MAP3K5: variants seen among roughly 807,000 people sequenced by gnomAD.
The protein encoded by MAP3K5 is ASK-1.
MAP3K5 carries 56 observed loss-of-function variants against 158.7 expected under a neutral mutation model. The observed-to-expected ratio is 0.35, with a 90% confidence interval of 0.28 to 0.44. MAP3K5 has a LOEUF of 0.44. Ranked by LOEUF, MAP3K5 falls within the 20% of genes least tolerant of loss-of-function variation. The probability of loss-of-function intolerance (pLI) is 1.00; values close to 1 mark genes in which losing one functional copy is unlikely to be tolerated. For synonymous variants in MAP3K5, 579 were observed against 601.7 expected (o/e 0.96, Z 0.55); for missense variants, 1,294 against 1,674.8 (o/e 0.77, Z 3.97).
intron 2 of MAP3K5, among the ~76,000 whole-genome samples, chr6:136,715,860 G>A (rs764653191): frequency 6.6e-6 from 1 of 151,240 alleles, no homozygotes; most frequent in East Asian, 1.9e-4. Flanking sequence ...GCGAAACCCC[G>A]TCTCTACTAA....
chr6:136,661,300 AAG>A (rs2114475888), intron 8 of MAP3K5, among the ~76,000 whole-genome samples: 1 of 151,722 alleles, frequency 6.6e-6, no homozygotes, highest in East Asian at 2.1e-4. Flanking sequence ...TGTGAGGGTA[AAG>A]AGAGAACAGC....
intron 8 of MAP3K5, among the ~76,000 whole-genome samples, chr6:136,663,644 CTA>C (rs1779104267): frequency 7.2e-6 from 1 of 138,464 alleles, no homozygotes; most frequent in African/African-American, 2.8e-5. Context: ...GAATCTCACT[CTA>C]TTGCCCAGGC....
intron 2 of MAP3K5, among the ~76,000 whole-genome samples, chr6:136,716,045 A>AAAAAAAAAAAAAAAAAC (rs1781511108): frequency 7.5e-6 from 1 of 132,786 alleles, no homozygotes; most frequent in Non-Finnish European, 1.7e-5. Context: ...AAAAAAAAAA[A>AAAAAAAAAAAAAAAAAC]AAAAAAAAAA....
intron 7 of MAP3K5, among the ~76,000 whole-genome samples, chr6:136,680,896 C>T (rs978349157): frequency 6.6e-5 from 10 of 151,490 alleles, no homozygotes; most frequent in African/African-American, 2.4e-4. Context: ...GAGGAAGGGG[C>T]GGGGCTGGGG....
intron 23 of MAP3K5, among the ~76,000 whole-genome samples, chr6:136,589,537 G>C (rs891918977): frequency 6.6e-6 from 1 of 152,150 alleles, no homozygotes; most frequent in African/African-American, 2.4e-5. Flanking sequence ...ATTTTCCCAG[G>C]TATTATGGTT....
rs573385122 is a variant in MAP3K5 at position 136,753,278 on chromosome 6, T to C, written c.449-32689A>G. On this transcript the variant is annotated intron_variant, in intron 1 of 29. Coordinates refer to ENST00000359015, the MANE Select transcript of MAP3K5 (RefSeq NM_005923.4). ...CATTAAAACAATAATAGGCCTTTAC[T>C]GCTTTTTTTTCAAGTGAACACAGGA... is the stretch of plus-strand genomic sequence containing the variant. Among the ~76,000 whole-genome samples, 4 of 152,366 alleles carry C rather than the reference T, an allele frequency of 2.6e-5. No homozygotes were observed. In the South Asian group the frequency reaches 6.2e-4, roughly 24 times the overall value.
intron 21 of MAP3K5, among the ~76,000 whole-genome samples, chr6:136,596,375 T>C (rs1775630718): frequency 6.6e-6 from 1 of 152,118 alleles, no homozygotes; most frequent in Non-Finnish European, 1.5e-5. Flanking sequence ...GAGATCTCAT[T>C]AGATCTTGGC....
Position 136,625,956 on chromosome 6 carries a change from T to A in MAP3K5, c.2017-2975A>T, listed in dbSNP as rs117548506. On this transcript the variant is annotated intron_variant, in intron 14 of 29. Coordinates refer to ENST00000359015, the MANE Select transcript of MAP3K5 (RefSeq NM_005923.4). ...AGGCCAGACTTGAAAGAGAATTGAA[T>A]ACAACTTCCAGAAATTCAGCCCTAA... 4.0e-4 allele frequency among the ~76,000 whole-genome samples: 61 copies of A among 152,258 alleles called. No individual in the cohort carries two copies. The East Asian group carries it at 0.012, about 29-fold the overall frequency.
At chr6:136,667,723 T>C (rs1377626388) in intron 8 of MAP3K5, among the ~76,000 whole-genome samples, 1 of 151,556 alleles carries the variant, frequency 6.6e-6, no homozygotes, top group Non-Finnish European at 1.5e-5. Context: ...TGGTGGTATA[T>C]GCCTGTAGTC....
rs1776412322 is a variant in MAP3K5 at position 136,613,064 on chromosome 6, A to T, written c.2415+56T>A. The T allele has an allele frequency of 3.3e-6, 5 of 1,515,324 alleles. No homozygotes were observed. Among genetic ancestry groups the T allele is most frequent in the Non-Finnish European group, 4.4e-6 (5 of 1,128,874 alleles). The allele number at this position is 1,515,324 out of a possible 1,614,324, so 93.9% of individuals were successfully genotyped here. A position where few individuals can be genotyped will look rare whatever the true frequency, so the allele number is the denominator to read the frequency against. ...ATAACACAATATGACTTTTGCAAGT[A>T]AAATAATAACCCAGCAAAGAAAGAA... On this transcript the variant is annotated intron_variant, in intron 17 of 29. Transcript: ENST00000359015. The surrounding 1 kb of genome is among the most constrained non-coding windows in gnomAD (Gnocchi z 4.0).
chr6:136,562,837 A>ATTTTTT (rs3040779), intron 26 of MAP3K5, among the ~76,000 whole-genome samples: 15,153 of 124,378 alleles, frequency 0.12, 1,145 homozygotes, highest in African/African-American at 0.16. Flanking sequence ...TGCCTGGCTA[A>ATTTTTT]TTTTTTTTTT....
chr6:136,558,971 A>C, intron 28 of MAP3K5, 95 bp from the exon 29 acceptor site: 1 of 702,724 alleles, frequency 1.4e-6, no homozygotes, highest in Non-Finnish European at 2.5e-6. Context: ...TATAATTAAA[A>C]ATGAATCTAA....
intron 1 of MAP3K5, among the ~76,000 whole-genome samples, chr6:136,763,828 A>C (rs1783854739): frequency 6.6e-6 from 1 of 152,112 alleles, no homozygotes; most frequent in Admixed American, 6.6e-5. Context: ...TGAATGGATT[A>C]ATCCATTAAC....
At chr6:136,778,254 T>TA (rs531507748) in intron 1 of MAP3K5, among the ~76,000 whole-genome samples, 1 of 152,076 alleles carries the variant, frequency 6.6e-6, no homozygotes, top group Non-Finnish European at 1.5e-5. Flanking sequence ...CTGATTTCAT[T>TA]AAAAAAATAA....
intron 10 of MAP3K5, 60 bp from the exon 11 acceptor site, chr6:136,651,151 C>G: frequency 3.6e-6 from 3 of 825,906 alleles, no homozygotes; most frequent in South Asian, 3.0e-5. Context: ...CCACTTAGAG[C>G]TGCTATAACA....
intron 14 of MAP3K5, among the ~76,000 whole-genome samples, chr6:136,629,893 A>G (rs1414485114): frequency 6.6e-6 from 1 of 152,032 alleles, no homozygotes; most frequent in Non-Finnish European, 1.5e-5. Flanking sequence ...CTGGGATTAC[A>G]GGCGCTTGCC....
At chr6:136,727,566 A>T (rs954038700) in intron 1 of MAP3K5, among the ~76,000 whole-genome samples, 7 of 152,260 alleles carry the variant, frequency 4.6e-5, no homozygotes, top group Non-Finnish European at 1.0e-4. Context: ...GGATCAAATC[A>T]TACCAGTCTT....
At chr6:136,658,317 T>TTTC in intron 9 of MAP3K5, among the ~76,000 whole-genome samples, 14 of 135,724 alleles carry the variant, frequency 1.0e-4, no homozygotes, top group African/African-American at 4.1e-4. Context: ...TTCTTTCTTT[T>TTTC]TTTTTTTTTT....
chr6:136,684,057 T>G (rs1258448239), intron 7 of MAP3K5, among the ~76,000 whole-genome samples: 2 of 151,750 alleles, frequency 1.3e-5, no homozygotes, highest in Admixed American at 1.3e-4. Context: ...CATAGCGAGA[T>G]CCCATCTCTA....
Sources: allele counts gnomAD v4.1 joint callset (sites outside exome capture counted in the v4.1 genomes callset), GRCh38; gene constraint gnomAD v4.1.1; non-coding constraint Gnocchi (gnomAD v3.1); transcripts MANE v1.5; gene names NCBI Gene and HGNC (gene_info 2026-07-23, HGNC 2026-07-21).